The following CAMK1D variants were observed in gnomAD, a reference collection of about 807,000 sequenced individuals.
CAMK1D encodes the protein calcium/calmodulin dependent protein kinase ID.
A neutral mutation model predicts 47.7 loss-of-function variants in CAMK1D; 9 were observed. The ratio of observed to expected loss-of-function variants is 0.19; its 90% CI spans 0.11 to 0.33. CAMK1D has a LOEUF of 0.33. Ranked by LOEUF, CAMK1D falls within the 10% of genes least tolerant of loss-of-function variation. The pLI, the probability that CAMK1D is intolerant of heterozygous loss-of-function variation, is 1.00. For missense variants in CAMK1D, 291 were observed against 488.7 expected (o/e 0.60, Z 3.81); for synonymous variants, 184 against 184.9 (o/e 0.99, Z 0.04).
At chr10:12,548,312 T>A (rs1836463725) in intron 1 of CAMK1D, among the ~76,000 whole-genome samples, 1 of 152,168 alleles carries the variant, frequency 6.6e-6, no homozygotes, top group East Asian at 1.9e-4. Flanking sequence ...AGGGAGGTAT[T>A]GAGTGAAAAG....
chr10:12,574,960 C>A (rs1175596146), intron 2 of CAMK1D, among the ~76,000 whole-genome samples: 1 of 152,176 alleles, frequency 6.6e-6, no homozygotes, highest in Non-Finnish European at 1.5e-5. Context: ...CAGAACCATT[C>A]ATGAGAAACC....
At chr10:12,413,605 G>GGTGACC (rs1839747034) in intron 1 of CAMK1D, among the ~76,000 whole-genome samples, 49 of 152,198 alleles carry the variant, frequency 3.2e-4, no homozygotes, top group African/African-American at 1.1e-3. Flanking sequence ...TGGTGATGAT[G>GGTGACC]ATGGTGATGC....
chr10:12,793,199 A>G (rs1393973321), intron 6 of CAMK1D, among the ~76,000 whole-genome samples: 2 of 152,164 alleles, frequency 1.3e-5, no homozygotes, highest in African/African-American at 2.4e-5. Context: ...TGAAGCTGGT[A>G]TCAGTCATCT....
At chr10:12,761,992 G>A (rs1836533851) in intron 4 of CAMK1D, among the ~76,000 whole-genome samples, 1 of 152,180 alleles carries the variant, frequency 6.6e-6, no homozygotes, top group South Asian at 2.1e-4. Context: ...AAGGATCTGG[G>A]CCTTATATTG....
intron 1 of CAMK1D, among the ~76,000 whole-genome samples, chr10:12,371,729 C>G (rs555478363): frequency 6.6e-6 from 1 of 151,696 alleles, no homozygotes; most frequent in East Asian, 2.0e-4. Context: ...AACCCTGTAT[C>G]TACTAAAAAT....
intron 3 of CAMK1D, among the ~76,000 whole-genome samples, chr10:12,734,955 A>G (rs187530544): frequency 4.2e-4 from 64 of 152,332 alleles, no homozygotes; most frequent in African/African-American, 1.5e-3. Flanking sequence ...GCATTTGTTA[A>G]AATGGTAAAT....
intron 2 of CAMK1D, among the ~76,000 whole-genome samples, chr10:12,610,397 G>C (rs2132409733): frequency 6.6e-6 from 1 of 152,100 alleles, no homozygotes; most frequent in East Asian, 1.9e-4. Context: ...CCTTTCTCTG[G>C]GCACATTCTG....
chr10:12,691,390 TA>T (rs1832900676), intron 3 of CAMK1D, among the ~76,000 whole-genome samples: 2 of 7,086 alleles, frequency 2.8e-4, no homozygotes, highest in Non-Finnish European at 5.5e-4. Flanking sequence ...TATATATATA[TA>T]TATATATATA....
intron 1 of CAMK1D, among the ~76,000 whole-genome samples, chr10:12,380,075 C>T (rs1380706507): frequency 1.3e-5 from 2 of 151,852 alleles, no homozygotes; most frequent in African/African-American, 4.8e-5. Flanking sequence ...ATTAGCCGGG[C>T]GTGGTGGCGG....
intron 1 of CAMK1D, among the ~76,000 whole-genome samples, chr10:12,534,172 A>ATCTATCTATCTATCTG (rs780359548): frequency 8.0e-4 from 109 of 136,514 alleles, no homozygotes; most frequent in Middle Eastern, 7.6e-3. Flanking sequence ...CTATCTGTCT[A>ATCTATCTATCTATCTG]TCTATCTATC....
intron 5 of CAMK1D, among the ~76,000 whole-genome samples, chr10:12,784,743 C>T (rs1425206491): frequency 2.0e-5 from 3 of 152,208 alleles, no homozygotes; most frequent in African/African-American, 4.8e-5. Context: ...CTTGTACCTA[C>T]TCACCAAAAA....
At chr10:12,603,379 C>A (rs925938983) in intron 2 of CAMK1D, among the ~76,000 whole-genome samples, 1 of 152,230 alleles carries the variant, frequency 6.6e-6, no homozygotes, top group Non-Finnish European at 1.5e-5. Context: ...TCAACCCCGC[C>A]TCCCACCCTG....
chr10:12,543,514 G>A (rs1836266169), intron 1 of CAMK1D, among the ~76,000 whole-genome samples: 1 of 152,184 alleles, frequency 6.6e-6, no homozygotes, highest in Non-Finnish European at 1.5e-5. Flanking sequence ...GCTTGGCTCT[G>A]AGTTCTGGGC....
Position 12,769,810 on chromosome 10 carries a change from T to G in CAMK1D, c.565+11T>G, listed in dbSNP as rs1251293119. The G allele has an allele frequency of 6.2e-6, 10 of 1,613,840 alleles. No individual in the cohort carries two copies. Among genetic ancestry groups the G allele is most frequent in the Non-Finnish European group, 8.5e-6 (10 of 1,179,864 alleles). Reference sequence around the variant, plus strand: ...CTCCAGGCTATGTCGGTAAGGACAGTGCATGTGCACACATGTGCCCGTGTG... The same window carrying G: ...CTCCAGGCTATGTCGGTAAGGACAGGGCATGTGCACACATGTGCCCGTGTG... On this transcript the variant is annotated intron_variant, in intron 5 of 10. Transcript: ENST00000619168.
At chr10:12,576,484 A>G (rs957621006) in intron 2 of CAMK1D, among the ~76,000 whole-genome samples, 2 of 152,138 alleles carry the variant, frequency 1.3e-5, no homozygotes, top group Non-Finnish European at 2.9e-5. Context: ...ACATTATAAT[A>G]TATAATGAAA....
At chr10:12,549,062 G>A (rs1259437855) in intron 1 of CAMK1D, among the ~76,000 whole-genome samples, 2 of 151,252 alleles carry the variant, frequency 1.3e-5, no homozygotes, top group African/African-American at 4.9e-5. Context: ...CACCATATTG[G>A]CCAGGCTGGT....
At chr10:12,816,607 A>G (rs965580294) in intron 8 of CAMK1D, among the ~76,000 whole-genome samples, 1 of 151,998 alleles carries the variant, frequency 6.6e-6, no homozygotes, top group Non-Finnish European at 1.5e-5. Context: ...ATGGTGGCTC[A>G]TGCCTGTAAT....
At chr10:12,362,417 T>C (rs1837692874) in intron 1 of CAMK1D, among the ~76,000 whole-genome samples, 1 of 148,588 alleles carries the variant, frequency 6.7e-6, no homozygotes, top group Non-Finnish European at 1.5e-5. Flanking sequence ...AATTTTAGGA[T>C]GCTCTAGTGT....
chr10:12,529,810 A>AT (rs970081346), intron 1 of CAMK1D, among the ~76,000 whole-genome samples: 1 of 152,104 alleles, frequency 6.6e-6, no homozygotes, highest in Non-Finnish European at 1.5e-5. Flanking sequence ...TATTGTAATG[A>AT]TTTTTTTCCA....
Sources: allele counts gnomAD v4.1 joint callset (sites outside exome capture counted in the v4.1 genomes callset), GRCh38; gene constraint gnomAD v4.1.1; transcripts MANE v1.5; gene names NCBI Gene and HGNC (gene_info 2026-07-23, HGNC 2026-07-21).